SGCZ: variants seen among roughly 807,000 people sequenced by gnomAD.
The protein encoded by SGCZ is zeta-sarcoglycan.
SGCZ carries 40 observed loss-of-function variants against 41.3 expected under a neutral mutation model. The ratio of observed to expected loss-of-function variants is 0.97; its 90% confidence interval spans 0.75 to 1.26. The LOEUF (loss-of-function observed/expected upper bound fraction) is 1.26. Among genes scored for constraint, SGCZ ranks in the 50% most tolerant of loss-of-function variants. The probability of loss-of-function intolerance (pLI) is 0.00; values close to 1 mark genes in which losing one functional copy is unlikely to be tolerated. For synonymous variants in SGCZ, 206 were observed against 137.5 expected (o/e 1.50, Z -3.49); for missense variants, 552 against 369.8 (o/e 1.49, Z -4.04).
At chr8:15,232,695 GTA>G (rs1448530522) in intron 1 of SGCZ, among the ~76,000 whole-genome samples, 3 of 138,262 alleles carry the variant, frequency 2.2e-5, no homozygotes, top group South Asian at 2.3e-4. Context: ...ATATATGTGT[GTA>G]TATATATACA....
chr8:14,931,811 A>G lies in SGCZ; in HGVS notation c.39+305774T>C, dbSNP rs577381240. ...AATTCGTCAGTCAGCCACTCCCAAC[A>G]TTCTTATTTCACTTTTATTAAACTT... On this transcript the variant is annotated intron_variant, in intron 1 of 7. Coordinates refer to ENST00000382080, the MANE Select transcript of SGCZ (RefSeq NM_139167.4). Among the ~76,000 whole-genome samples the G allele has an allele frequency of 2.6e-5, 4 of 152,052 alleles. No individual in the cohort carries two copies. The South Asian group carries it at 6.2e-4, about 24-fold the overall frequency.
rs1226741370 is a variant in SGCZ, at chr8:14,396,214, T to C, written c.235-72010A>G. On this transcript the variant is annotated intron_variant, in intron 2 of 7. Coordinates refer to ENST00000382080, the MANE Select transcript of SGCZ (RefSeq NM_139167.4). The stretch of plus-strand genomic sequence containing the variant: ...AAATAACTCTTATATCTGCTTCTTA[T>C]TTTAGTTCCTACGCAATATACTTTC... 2.0e-5 allele frequency among the ~76,000 whole-genome samples: 3 copies of C among 152,182 alleles called. No homozygotes were observed. The East Asian group carries it at 5.8e-4, about 29-fold the overall frequency.
In SGCZ at chr8:14,366,599, C is replaced by T. The variant is rs184913888; in HGVS notation, c.235-42395G>A. The stretch of plus-strand genomic sequence containing the variant: ...ACCAATCATGCCTTCCCCAACGGTC[C>T]CCCCAAAATCTTAAATCATTTCAGC... On this transcript the variant is annotated intron_variant, in intron 2 of 7. Transcript: ENST00000382080. Among the ~76,000 whole-genome samples the T allele has an allele frequency of 1.1e-3, 172 of 152,120 alleles. 1 individual carries two copies. Among genetic ancestry groups the T allele is most frequent in the African/African-American group, 3.9e-3 (161 of 41,516 alleles).
At chr8:14,988,684 C>T (rs1036771981) in intron 1 of SGCZ, among the ~76,000 whole-genome samples, 2 of 151,904 alleles carry the variant, frequency 1.3e-5, no homozygotes, top group East Asian at 1.9e-4. Flanking sequence ...TTCCTAAAAA[C>T]GTTATTATAT....
intron 1 of SGCZ, among the ~76,000 whole-genome samples, chr8:14,950,640 AT>A (rs1342573138): frequency 6.6e-6 from 1 of 152,054 alleles, no homozygotes; most frequent in African/African-American, 2.4e-5. Context: ...GGCAAAAAAA[AT>A]CATAGTTCAG....
chr8:15,002,015 TAAAAG>T (rs1203893537), intron 1 of SGCZ, among the ~76,000 whole-genome samples: 1 of 151,988 alleles, frequency 6.6e-6, no homozygotes, highest in Non-Finnish European at 1.5e-5. Flanking sequence ...ATAGCACACA[TAAAAG>T]AACATAAAAC....
At chr8:14,645,478 T>TTATATATATATATATA (rs1046258520) in intron 1 of SGCZ, among the ~76,000 whole-genome samples, 2,480 of 105,940 alleles carry the variant, frequency 0.023, 89 homozygotes, top group East Asian at 0.11. Flanking sequence ...ATATATATAT[T>TTATATATATATATATA]TATATGTATA....
chr8:14,100,784 C>A (rs887566977), intron 7 of SGCZ, among the ~76,000 whole-genome samples: 1 of 151,414 alleles, frequency 6.6e-6, no homozygotes, highest in African/African-American at 2.4e-5. Context: ...AGGAATATTC[C>A]CCTTTTGCCT....
At chr8:14,117,701 A>C (rs145557642) in intron 5 of SGCZ, among the ~76,000 whole-genome samples, 2,010 of 151,626 alleles carry the variant, frequency 0.013, 40 homozygotes, top group African/African-American at 0.045. Context: ...CATCATCTAC[A>C]TTAGGTATTT....
Position 14,975,630 on chromosome 8 carries a change from G to A in SGCZ, c.39+261955C>T, listed in dbSNP as rs1444488203. Among the ~76,000 whole-genome samples the A allele has an allele frequency of 2.6e-5, 4 of 152,114 alleles. No homozygotes were observed. In the East Asian group the frequency reaches 5.8e-4, roughly 22 times the overall value. Reference sequence around the variant, plus strand: ...ATATGGCATATGTGTAGTATGCTTTGTAACCTAATATAGGACTCAGTGTAT... The same window carrying A: ...ATATGGCATATGTGTAGTATGCTTTATAACCTAATATAGGACTCAGTGTAT... On this transcript the variant is annotated intron_variant, in intron 1 of 7. Coordinates refer to ENST00000382080, the MANE Select transcript of SGCZ (RefSeq NM_139167.4).
At chr8:14,725,015 C>G (rs1346549003) in intron 1 of SGCZ, among the ~76,000 whole-genome samples, 1 of 152,102 alleles carries the variant, frequency 6.6e-6, no homozygotes, top group East Asian at 1.9e-4. Flanking sequence ...CTACATTTCC[C>G]AGCCTCTAGT....
At chr8:14,495,174 G>T (rs1226633526) in intron 2 of SGCZ, among the ~76,000 whole-genome samples, 1 of 152,110 alleles carries the variant, frequency 6.6e-6, no homozygotes, top group African/African-American at 2.4e-5. Context: ...AGGAATAAGA[G>T]TTCCTGCTTT....
intron 1 of SGCZ, among the ~76,000 whole-genome samples, chr8:15,097,070 C>T (rs181828075): frequency 7.9e-5 from 12 of 152,200 alleles, no homozygotes; most frequent in African/African-American, 2.4e-5. Flanking sequence ...CCTGCCTCAG[C>T]CTCCTGAATA....
intron 1 of SGCZ, among the ~76,000 whole-genome samples, chr8:15,192,519 T>A (rs1434024732): frequency 6.6e-6 from 1 of 152,162 alleles, no homozygotes; most frequent in Non-Finnish European, 1.5e-5. Flanking sequence ...AAATACTCAT[T>A]CTTTATGCTC....
At chr8:14,676,728 C>T (rs1048185846) in intron 1 of SGCZ, among the ~76,000 whole-genome samples, 6 of 152,096 alleles carry the variant, frequency 3.9e-5, no homozygotes, top group Non-Finnish European at 8.8e-5. Context: ...ATGATCATAT[C>T]AACAGATGCA....
At chr8:14,446,750 G>C (rs879779082) in intron 2 of SGCZ, among the ~76,000 whole-genome samples, 1 of 152,072 alleles carries the variant, frequency 6.6e-6, no homozygotes, top group Non-Finnish European at 1.5e-5. Context: ...GACTGTAATT[G>C]AGTCTTCATG....
chr8:14,370,269 C>G lies in SGCZ; in HGVS notation c.235-46065G>C, dbSNP rs1217364447. 3.9e-5 allele frequency among the ~76,000 whole-genome samples: 6 copies of G among 152,102 alleles called. No individual in the cohort carries two copies. In the South Asian group the frequency reaches 8.3e-4, roughly 21 times the overall value. Reference sequence around the variant, plus strand: ...CAGTACTCAAAGACAACTTTCATCACATGGCTATTAAATATAGGAAATTGT... The same window carrying G: ...CAGTACTCAAAGACAACTTTCATCAGATGGCTATTAAATATAGGAAATTGT... On this transcript the variant is annotated intron_variant, in intron 2 of 7. Transcript: ENST00000382080.
At chr8:14,815,017 T>C (rs1197763570) in intron 1 of SGCZ, among the ~76,000 whole-genome samples, 1 of 152,188 alleles carries the variant, frequency 6.6e-6, no homozygotes. Context: ...GTTTCTGATG[T>C]GCCTGATTTG....
chr8:14,247,471 C>T (rs1799142840), intron 3 of SGCZ, among the ~76,000 whole-genome samples: 1 of 152,152 alleles, frequency 6.6e-6, no homozygotes. Context: ...CAAAAACCTC[C>T]AACTCCACCT....
Sources: allele counts gnomAD v4.1 joint callset (sites outside exome capture counted in the v4.1 genomes callset), GRCh38; gene constraint gnomAD v4.1.1; transcripts MANE v1.5; gene names NCBI Gene and HGNC (gene_info 2026-07-23, HGNC 2026-07-21).